Variants in KCNH7 observed in about 807,000 individuals in gnomAD.
KCNH7 encodes the protein voltage-gated inwardly rectifying potassium channel KCNH7.
A neutral mutation model predicts 120.8 loss-of-function variants in KCNH7; 49 were observed. The observed-to-expected ratio is 0.41, with a 90% confidence interval of 0.32 to 0.51. The LOEUF (loss-of-function observed/expected upper bound fraction) is 0.51. Ranked by LOEUF, KCNH7 falls within the 20% of genes least tolerant of loss-of-function variation. The pLI, the probability that KCNH7 is intolerant of heterozygous loss-of-function variation, is 0.38. For missense variants in KCNH7, 1,097 were observed against 1,446.6 expected, an observed-to-expected ratio of 0.76 and a Z score of 3.92; for synonymous variants, 547 against 516.1, an observed-to-expected ratio of 1.06 and a Z score of -0.81.
intron 2 of KCNH7, among the ~76,000 whole-genome samples, chr2:162,548,183 C>A (rs1295972526): frequency 2.6e-5 from 4 of 151,998 alleles, no homozygotes. Context: ...GCTTTTTATT[C>A]CAGTTGGCAG....
At chr2:162,530,203 T>C (rs770542966) in intron 3 of KCNH7, among the ~76,000 whole-genome samples, 48 of 152,128 alleles carry the variant, frequency 3.2e-4, no homozygotes, top group Middle Eastern at 3.4e-3. Flanking sequence ...GCCCAATGTA[T>C]CATAATGCCT....
intron 14 of KCNH7, 112 bp downstream of exon 14, chr2:162,379,741 T>C (rs1686342896): frequency 9.9e-7 from 1 of 1,011,608 alleles, no homozygotes. Flanking sequence ...TAAGTAAATG[T>C]ATAAGGAAAT....
At chr2:162,524,610 T>C (rs1015559192) in intron 3 of KCNH7, among the ~76,000 whole-genome samples, 4 of 151,942 alleles carry the variant, frequency 2.6e-5, no homozygotes, top group East Asian at 2.0e-4. Flanking sequence ...AATGTCAGAG[T>C]ACTTACAAGC....
At chr2:162,663,096 C>T (rs575120431) in intron 2 of KCNH7, among the ~76,000 whole-genome samples, 5 of 152,238 alleles carry the variant, frequency 3.3e-5, no homozygotes, top group East Asian at 1.9e-4. Flanking sequence ...ATGATAGGTT[C>T]GTGGTAAACC....
At chr2:162,572,139 C>A (rs1693501622) in intron 2 of KCNH7, among the ~76,000 whole-genome samples, 1 of 151,950 alleles carries the variant, frequency 6.6e-6, no homozygotes, top group East Asian at 1.9e-4. Flanking sequence ...ATTTTCGCAA[C>A]CTACTCATCT....
At chr2:162,721,234 G>C (rs1390152355) in intron 2 of KCNH7, among the ~76,000 whole-genome samples, 1 of 151,988 alleles carries the variant, frequency 6.6e-6, no homozygotes, top group African/African-American at 2.4e-5. Context: ...ATATTGGCTG[G>C]CATTTTAAAA....
chr2:162,704,959 GAA>G (rs1686642912), intron 2 of KCNH7, among the ~76,000 whole-genome samples: 1 of 152,092 alleles, frequency 6.6e-6, no homozygotes, highest in South Asian at 2.1e-4. Context: ...AAACTTAAAA[GAA>G]ATGAATTAAG....
intron 3 of KCNH7, among the ~76,000 whole-genome samples, chr2:162,519,421 CTT>C (rs1691439336): frequency 6.6e-6 from 1 of 151,668 alleles, no homozygotes; most frequent in Admixed American, 6.6e-5. Context: ...AAAACAAAAG[CTT>C]ATATTTGTTC....
At chr2:162,735,568 T>C (rs1029563989) in intron 2 of KCNH7, among the ~76,000 whole-genome samples, 2 of 152,112 alleles carry the variant, frequency 1.3e-5, no homozygotes, top group African/African-American at 4.8e-5. Context: ...TTGGTAAACC[T>C]TCTACCTTGT....
intron 2 of KCNH7, among the ~76,000 whole-genome samples, chr2:162,740,475 G>A (rs1688086091): frequency 6.6e-6 from 1 of 152,158 alleles, no homozygotes; most frequent in Admixed American, 6.5e-5. Flanking sequence ...TGGGTAGGCT[G>A]ACCTGCCTCA....
At chr2:162,784,735 C>A (rs74486333) in intron 2 of KCNH7, 1 of 152,068 alleles carries the variant, frequency 6.6e-6, no homozygotes, top group Non-Finnish European at 1.5e-5. Context: ...TACAGAATTG[C>A]GGTAAGGATC....
At chr2:162,525,332 G>A (rs141796613) in intron 3 of KCNH7, among the ~76,000 whole-genome samples, 9 of 152,018 alleles carry the variant, frequency 5.9e-5, no homozygotes, top group African/African-American at 1.7e-4. Flanking sequence ...CAGCATTCCC[G>A]TAAACATGTT....
chr2:162,593,146 T>C (rs994472427), intron 2 of KCNH7, among the ~76,000 whole-genome samples: 1 of 152,124 alleles, frequency 6.6e-6, no homozygotes, highest in African/African-American at 2.4e-5. Context: ...AAAATATTAA[T>C]AACATTCTTA....
At chr2:162,592,414 G>A (rs1371554959) in intron 2 of KCNH7, among the ~76,000 whole-genome samples, 1 of 151,920 alleles carries the variant, frequency 6.6e-6, no homozygotes, top group African/African-American at 2.4e-5. Context: ...GGGGGAGGAT[G>A]GAAAAGCAAG....
intron 2 of KCNH7, among the ~76,000 whole-genome samples, chr2:162,781,467 T>C (rs1683482962): frequency 6.6e-6 from 1 of 152,078 alleles, no homozygotes; most frequent in Non-Finnish European, 1.5e-5. Context: ...TTCAACTTTA[T>C]TTATGCATAT....
At chr2:162,543,319 C>T (rs1692376139) in intron 2 of KCNH7, among the ~76,000 whole-genome samples, 1 of 151,766 alleles carries the variant, frequency 6.6e-6, no homozygotes, top group African/African-American at 2.4e-5. Context: ...CAATCACCAA[C>T]ATGATTAAAT....
intron 3 of KCNH7, 36 bp from the exon 4 acceptor site, chr2:162,518,194 G>A (rs1266497256): frequency 2.7e-6 from 4 of 1,459,394 alleles, no homozygotes; most frequent in Admixed American, 3.8e-5. Flanking sequence ...TTATTATAAG[G>A]CAAATGATAT....
intron 2 of KCNH7, among the ~76,000 whole-genome samples, chr2:162,604,905 G>A (rs965200154): frequency 6.6e-6 from 1 of 151,988 alleles, no homozygotes; most frequent in African/African-American, 2.4e-5. Flanking sequence ...TTAAAAACTG[G>A]ATTTTTTAGT....
intron 2 of KCNH7, among the ~76,000 whole-genome samples, chr2:162,654,974 G>A (rs1684694174): frequency 6.6e-6 from 1 of 152,158 alleles, no homozygotes; most frequent in Admixed American, 6.5e-5. Flanking sequence ...ACCAGGAACA[G>A]GGGAAGGGGA....
Sources: gnomAD v4.1 joint callset for allele counts (sites outside exome capture counted in the v4.1 genomes callset) on GRCh38, gnomAD v4.1.1 for gene constraint, MANE v1.5 for transcripts, NCBI Gene and HGNC (gene_info 2026-07-23, HGNC 2026-07-21) for gene names.